The following EXOC6B variants were observed in gnomAD, a reference collection of about 807,000 sequenced individuals.
EXOC6B encodes exocyst complex component 6B.
A neutral mutation model predicts 113.5 loss-of-function variants in EXOC6B; 54 were observed. The observed-to-expected ratio is 0.48, with a 90% CI of 0.38 to 0.60. The LOEUF is 0.60. Among genes scored for constraint, EXOC6B ranks in the 20% least tolerant of loss-of-function variants. The probability of loss-of-function intolerance (pLI) is 0.00; values close to 1 mark genes in which losing one functional copy is unlikely to be tolerated. For missense variants in EXOC6B, 797 were observed against 977.5 expected, an observed-to-expected ratio of 0.82 and a Z score of 2.46; for synonymous variants, 357 against 339.0, an observed-to-expected ratio of 1.05 and a Z score of -0.58.
intron 17 of EXOC6B, among the ~76,000 whole-genome samples, chr2:72,473,734 G>C (rs1698549575): frequency 6.6e-6 from 1 of 151,910 alleles, no homozygotes; most frequent in African/African-American, 2.4e-5. Flanking sequence ...TGGTTATTTT[G>C]TGTATTCTTT....
chr2:72,398,494 C>A (rs1044672353), intron 18 of EXOC6B, among the ~76,000 whole-genome samples: 1 of 151,972 alleles, frequency 6.6e-6, no homozygotes, highest in Non-Finnish European at 1.5e-5. Flanking sequence ...GTCAGGAGTT[C>A]AAGACCAGCC....
rs373007339 is a variant in EXOC6B at position 72,636,399 on chromosome 2, TGAA to T, written c.670-60734_670-60732del. ...AAGGAAGCAAGGAAGGGAGGGAAGATGAAGAAGAAGGAGAGGGAGGACGAGAAG... is the reference window on the plus strand; with the variant it reads ...AAGGAAGCAAGGAAGGGAGGGAAGATGAAGAAGGAGAGGGAGGACGAGAAG... On this transcript the variant is annotated intron_variant, in intron 6 of 21. Transcript: ENST00000272427. Among the ~76,000 whole-genome samples the T allele has an allele frequency of 2.8e-4, 28 of 100,678 alleles. 2 individuals are homozygous for T. Among genetic ancestry groups the T allele is most frequent in the African/African-American group, 7.6e-4 (20 of 26,190 alleles). The allele number at this position is 100,678 out of a possible 152,430, so 66.0% of individuals were successfully genotyped here.
chr2:72,430,019 A>T (rs6733532), intron 18 of EXOC6B, among the ~76,000 whole-genome samples: 33,022 of 152,130 alleles, frequency 0.22, 6,913 homozygotes, highest in African/African-American at 0.55. Flanking sequence ...TATATTGCTA[A>T]GGGGAAAACT....
At chr2:72,464,778 T>C (rs956237422) in intron 18 of EXOC6B, 3 of 196,986 alleles carry the variant, frequency 1.5e-5, no homozygotes, top group African/African-American at 6.9e-5. Context: ...ATGGAGCATT[T>C]CATCAAAGAA....
chr2:72,279,923 A>G (rs1188842485), intron 20 of EXOC6B, among the ~76,000 whole-genome samples: 1 of 152,024 alleles, frequency 6.6e-6, no homozygotes. Flanking sequence ...ATTATAGGCT[A>G]AATTTAGATA....
chr2:72,243,663 A>T (rs1382284111), intron 20 of EXOC6B, among the ~76,000 whole-genome samples: 1 of 152,196 alleles, frequency 6.6e-6, no homozygotes, highest in African/African-American at 2.4e-5. Flanking sequence ...TAATGGGTGC[A>T]GCACACCAAC....
At chr2:72,548,779 C>T (rs1017498051) in intron 8 of EXOC6B, among the ~76,000 whole-genome samples, 4 of 151,984 alleles carry the variant, frequency 2.6e-5, no homozygotes, top group African/African-American at 9.7e-5. Flanking sequence ...TGAGGAAAAA[C>T]AACATATTTA....
intron 6 of EXOC6B, among the ~76,000 whole-genome samples, chr2:72,658,870 T>C (rs969037672): frequency 6.6e-6 from 1 of 152,138 alleles, no homozygotes; most frequent in African/African-American, 2.4e-5. Context: ...ACACACTTGT[T>C]TTTATCAGAT....
intron 1 of EXOC6B, among the ~76,000 whole-genome samples, chr2:72,754,021 G>A (rs1682231683): frequency 6.6e-6 from 1 of 152,106 alleles, no homozygotes; most frequent in African/African-American, 2.4e-5. Context: ...AGCCTCCTGA[G>A]TAGCTGGGAC....
At chr2:72,669,772 G>GCAGGTAGAGC (rs1675663887) in intron 6 of EXOC6B, among the ~76,000 whole-genome samples, 1 of 152,210 alleles carries the variant, frequency 6.6e-6, no homozygotes, top group Non-Finnish European at 1.5e-5. Flanking sequence ...ACTATTGGCA[G>GCAGGTAGAGC]CAGGTAGAGC....
chr2:72,428,620 G>C (rs1695343984), intron 18 of EXOC6B, among the ~76,000 whole-genome samples: 1 of 152,212 alleles, frequency 6.6e-6, no homozygotes, highest in Non-Finnish European at 1.5e-5. Context: ...AGCATGAGAA[G>C]AGCGCAGCCT....
chr2:72,825,409 G>C lies in EXOC6B; in HGVS notation c.113+389C>G, dbSNP rs975071075. Among the ~76,000 whole-genome samples, 1 of 152,234 alleles carries C rather than the reference G, an allele frequency of 6.6e-6. No individual in the cohort carries two copies. The highest frequency in any genetic ancestry group is 2.4e-5 in the African/African-American group (1 of 41,458). The stretch of plus-strand genomic sequence containing the variant: ...CATGGAGTGAAATTCTGTGTTGTCT[G>C]AAGAGCAGGACTCCTGTCTAGGGCA... On this transcript the variant is annotated intron_variant, in intron 1 of 21. Transcript: ENST00000272427. The surrounding 1 kb of genome is among the most constrained non-coding windows in gnomAD (Gnocchi z 4.4).
chr2:72,498,424 AC>A, intron 13 of EXOC6B, 29 bp downstream of exon 13: 1 of 1,495,708 alleles, frequency 6.7e-7, no homozygotes, highest in Middle Eastern at 1.7e-4. Context: ...ACATGAACAC[AC>A]ACACATATGA....
intron 18 of EXOC6B, among the ~76,000 whole-genome samples, chr2:72,440,559 A>G (rs900122640): frequency 6.6e-6 from 1 of 152,222 alleles, no homozygotes; most frequent in Admixed American, 6.5e-5. Context: ...AAAGAACATT[A>G]CCAGCCACTG....
intron 19 of EXOC6B, among the ~76,000 whole-genome samples, chr2:72,375,887 G>A (rs1243806754): frequency 1.3e-5 from 2 of 152,168 alleles, no homozygotes; most frequent in African/African-American, 4.8e-5. Flanking sequence ...CTCCACATGA[G>A]CTTGCTTAAG....
chr2:72,475,361 C>T (rs1035070822), intron 17 of EXOC6B, among the ~76,000 whole-genome samples: 6 of 152,144 alleles, frequency 3.9e-5, no homozygotes, highest in Non-Finnish European at 5.9e-5. Flanking sequence ...CCAAGTGGTT[C>T]ACACGGGTAT....
intron 8 of EXOC6B, among the ~76,000 whole-genome samples, chr2:72,542,646 AT>A (rs1297076436): frequency 6.6e-6 from 1 of 152,254 alleles, no homozygotes; most frequent in East Asian, 1.9e-4. Flanking sequence ...TAAGAAGATC[AT>A]TTTGGTATAT....
At chr2:72,401,352 C>T (rs1286338074) in intron 18 of EXOC6B, among the ~76,000 whole-genome samples, 1 of 148,362 alleles carries the variant, frequency 6.7e-6, no homozygotes, top group Admixed American at 6.9e-5. Flanking sequence ...ATCCCAGCTA[C>T]TTGGGAGGCT....
At chr2:72,458,057 G>T (rs1434631958) in intron 18 of EXOC6B, among the ~76,000 whole-genome samples, 1 of 152,032 alleles carries the variant, frequency 6.6e-6, no homozygotes, top group Non-Finnish European at 1.5e-5. Context: ...AAGAGAAACT[G>T]GGGATTCCAA....
Sources: gnomAD v4.1 joint callset for allele counts (sites outside exome capture counted in the v4.1 genomes callset) on GRCh38, gnomAD v4.1.1 for gene constraint, Gnocchi (gnomAD v3.1) non-coding constraint, MANE v1.5 for transcripts, NCBI Gene and HGNC (gene_info 2026-07-23, HGNC 2026-07-21) for gene names.